The following BMP2K variants were observed in gnomAD, a reference collection of about 807,000 sequenced individuals.
The protein encoded by BMP2K is BMP-2-inducible protein kinase.
Under a neutral mutation model 116.0 loss-of-function variants are expected in BMP2K, and 74 were observed. The ratio of observed to expected loss-of-function variants is 0.64; its 90% confidence interval spans 0.53 to 0.77. The LOEUF (loss-of-function observed/expected upper bound fraction) is 0.77. Ranked by LOEUF, BMP2K falls within the 30% of genes least tolerant of loss-of-function variation. BMP2K has a pLI of 0.00. For missense variants in BMP2K, 1,365 were observed against 1,403.6 expected (o/e 0.97, Z 0.44); for synonymous variants, 486 against 502.5 (o/e 0.97, Z 0.44).
intron 1 of BMP2K, among the ~76,000 whole-genome samples, chr4:78,780,968 CAG>C (rs1268693743): frequency 1.3e-5 from 2 of 152,112 alleles, no homozygotes; most frequent in East Asian, 3.8e-4. Flanking sequence ...TAGGTAAAAA[CAG>C]AGGTGTGAGG....
chr4:78,878,683 ATTTT>A, intron 13 of BMP2K, 47 bp from the exon 14 acceptor site: 1 of 1,415,596 alleles, frequency 7.1e-7, no homozygotes, highest in Non-Finnish European at 9.6e-7. Flanking sequence ...ATTTTTATTT[ATTTT>A]AATTTTTCTT....
intron 15 of BMP2K, among the ~76,000 whole-genome samples, chr4:78,891,356 TC>T (rs1203583418): frequency 6.6e-6 from 1 of 152,324 alleles, no homozygotes; most frequent in East Asian, 1.9e-4. Context: ...TTCTGAATAT[TC>T]AAGATGTTGT....
Position 78,880,586 on chromosome 4 carries a change from C to T in BMP2K, c.1951+1695C>T, listed in dbSNP as rs75830845. Among the ~76,000 whole-genome samples, 849 of 152,172 alleles carry T rather than the reference C, an allele frequency of 5.6e-3. 11 individuals carry two copies. Among genetic ancestry groups the T allele is most frequent in the African/African-American group, 0.019 (804 of 41,510 alleles). ...TTGTATCTTATAAAAATGTGTTATT[C>T]TAAGTTCCCTAGAATTTGTAATGAC... On this transcript the variant is annotated intron_variant, in intron 14 of 15. Transcript: ENST00000502613.
Position 78,870,952 on chromosome 4 carries a change from G to A in BMP2K, c.1401G>A (p.Gln467=), listed in dbSNP as rs1403063781. 8 of 1,607,712 alleles carry A rather than the reference G, an allele frequency of 5.0e-6. No homozygotes were observed. Among genetic ancestry groups the A allele is most frequent in the African/African-American group, 2.7e-5 (2 of 72,772 alleles). The stretch of plus-strand genomic sequence containing the variant: ...ACCAGCAGCAGCAGCAGCAGCAGCA[G>A]CAACAGCAACAGCAGCAGCAGCAAC... The part of the protein sequence containing the change: ...HPHQQQQQQQ[Q]QQQQQQQQQQ... The change falls in exon 11 of 16, where the codon CAG becomes CAA. Residue 467 remains glutamine (Q), a synonymous_variant. Coordinates refer to ENST00000502613, the MANE Select transcript of BMP2K (RefSeq NM_198892.2).
intron 1 of BMP2K, among the ~76,000 whole-genome samples, chr4:78,786,411 G>A (rs1235273270): frequency 2.3e-5 from 3 of 129,672 alleles, no homozygotes; most frequent in Non-Finnish European, 4.8e-5. Flanking sequence ...CCCAATGTGT[G>A]TGTGTGTGTG....
chr4:78,880,134 G>A (rs1025682482), intron 14 of BMP2K, among the ~76,000 whole-genome samples: 3 of 152,082 alleles, frequency 2.0e-5, no homozygotes, highest in Non-Finnish European at 2.9e-5. Flanking sequence ...GTGCAATGGC[G>A]CAATCTCGGC....
intron 1 of BMP2K, among the ~76,000 whole-genome samples, chr4:78,777,636 T>C (rs1467834895): frequency 3.3e-5 from 5 of 152,388 alleles, no homozygotes; most frequent in African/African-American, 9.6e-5. Context: ...ATAAACACTT[T>C]AAAAGAAATA....
chr4:78,829,808 T>TTC (rs1730111195), intron 2 of BMP2K, among the ~76,000 whole-genome samples: 1 of 139,110 alleles, frequency 7.2e-6, no homozygotes, highest in Admixed American at 7.1e-5. Flanking sequence ...TTCTCTTCTC[T>TTC]TCTCTTCTCT....
intron 15 of BMP2K, among the ~76,000 whole-genome samples, chr4:78,905,878 C>T (rs112717629): frequency 0.028 from 4,327 of 151,852 alleles, 226 homozygotes; most frequent in African/African-American, 0.099. Flanking sequence ...TTATGGCATT[C>T]TTAGCTAGAG....
At chr4:78,792,514 A>C (rs1220939693) in intron 1 of BMP2K, among the ~76,000 whole-genome samples, 1 of 152,250 alleles carries the variant, frequency 6.6e-6, no homozygotes, top group Non-Finnish European at 1.5e-5. Flanking sequence ...CTTCGAGGAA[A>C]ACAAATTACA....
chr4:78,829,139 A>T lies in BMP2K; in HGVS notation c.297+2984A>T, dbSNP rs560728032. On this transcript the variant is annotated intron_variant, in intron 2 of 15. Coordinates refer to ENST00000502613, the MANE Select transcript of BMP2K (RefSeq NM_198892.2). ...ATGAAAGCTTTTTCTGTAGCATGCA[A>T]TACTGTTTGATAGCACTTTATCCAC... is the stretch of plus-strand genomic sequence containing the variant. Among the ~76,000 whole-genome samples the T allele has an allele frequency of 2.6e-5, 4 of 152,328 alleles. No individual in the cohort carries two copies. In the East Asian group the frequency reaches 7.7e-4, roughly 29 times the overall value.
At chr4:78,860,770 C>CTTTTTTT (rs139384663) in intron 8 of BMP2K, among the ~76,000 whole-genome samples, 9 of 101,920 alleles carry the variant, frequency 8.8e-5, no homozygotes, top group East Asian at 5.4e-4. Context: ...GGTACCTTTC[C>CTTTTTTT]TTTTTTTTTT....
At chr4:78,814,845 C>T (rs1729256000) in intron 1 of BMP2K, among the ~76,000 whole-genome samples, 1 of 151,960 alleles carries the variant, frequency 6.6e-6, no homozygotes, top group Non-Finnish European at 1.5e-5. Context: ...CTCTTGATGC[C>T]TTTACTACAT....
chr4:78,878,678 T>G (rs1354121040), intron 13 of BMP2K, 56 bp from the exon 14 acceptor site: 1 of 1,381,628 alleles, frequency 7.2e-7, no homozygotes, highest in East Asian at 2.5e-5. Flanking sequence ...TGTAAATTTT[T>G]ATTTATTTTA....
intron 1 of BMP2K, among the ~76,000 whole-genome samples, chr4:78,804,269 A>G (rs1191459205): frequency 6.6e-6 from 1 of 152,178 alleles, no homozygotes; most frequent in South Asian, 2.1e-4. Flanking sequence ...TTTAAGTTTC[A>G]TTCATGTTTT....
intron 1 of BMP2K, among the ~76,000 whole-genome samples, chr4:78,801,520 A>G (rs974242417): frequency 1.3e-5 from 2 of 152,128 alleles, no homozygotes; most frequent in Non-Finnish European, 2.9e-5. Context: ...ATACTGAAAT[A>G]GCTTTCTAAT....
chr4:78,815,783 G>T (rs1458077078), intron 1 of BMP2K, among the ~76,000 whole-genome samples: 1 of 152,002 alleles, frequency 6.6e-6, no homozygotes, highest in Non-Finnish European at 1.5e-5. Context: ...AGGACAGAGG[G>T]TATTATAGTT....
chr4:78,852,563 T>C (rs550790694), intron 7 of BMP2K, among the ~76,000 whole-genome samples: 1 of 152,274 alleles, frequency 6.6e-6, no homozygotes, highest in South Asian at 2.1e-4. Context: ...TATAATGTAA[T>C]GTGTTTTAGA....
chr4:78,851,045 A>G lies in BMP2K; in HGVS notation c.872A>G (p.His291Arg), dbSNP rs926898798. Residue 291 changes from histidine (H) to arginine (R), a missense_variant, in exon 7 of 16, where the codon CAT (histidine) becomes CGT (arginine). Coordinates refer to ENST00000502613, the MANE Select transcript of BMP2K (RefSeq NM_198892.2). The part of the protein sequence containing the change: ...PDNSRYSRNI[H>R]CLIRFMLEPD... ...AATTCTCGTTACTCCCGTAACATAC[A>G]TTGCTTAATAAGTAAGTATTTGGGA... 8 of 1,609,372 alleles carry G rather than the reference A, an allele frequency of 5.0e-6. No individual in the cohort carries two copies. The highest frequency in any genetic ancestry group is 2.2e-5 in the East Asian group (1 of 44,710).
Sources: allele counts gnomAD v4.1 joint callset (sites outside exome capture counted in the v4.1 genomes callset), GRCh38; gene constraint gnomAD v4.1.1; transcripts MANE v1.5; gene names NCBI Gene and HGNC (gene_info 2026-07-23, HGNC 2026-07-21).